GAS2: variants seen among roughly 807,000 people sequenced by gnomAD.
GAS2 encodes the protein growth arrest specific 2.
GAS2 carries 20 observed loss-of-function variants against 37.5 expected under a neutral mutation model. The observed-to-expected ratio is 0.53, with a 90% CI of 0.37 to 0.77. The LOEUF (loss-of-function observed/expected upper bound fraction) is 0.77, where lower values mean the gene tolerates loss of function less well. Ranked by LOEUF, GAS2 falls within the 30% of genes least tolerant of loss-of-function variation. The pLI, the probability that GAS2 is intolerant of heterozygous loss-of-function variation, is 0.00. For missense variants in GAS2, 336 were observed against 373.4 expected, an observed-to-expected ratio of 0.90 and a Z score of 0.82; for synonymous variants, 144 against 132.2, an observed-to-expected ratio of 1.09 and a Z score of -0.61.
intron 3 of GAS2, among the ~76,000 whole-genome samples, chr11:22,701,224 A>G (rs950538396): frequency 1.2e-4 from 18 of 152,222 alleles, no homozygotes; most frequent in African/African-American, 4.1e-4. Context: ...ATCATGGAGT[A>G]TAGCAAGTTC....
chr11:22,666,018 AT>A (rs1361767716), upstream of GAS2, among the ~76,000 whole-genome samples: 4 of 152,330 alleles, frequency 2.6e-5, no homozygotes, highest in African/African-American at 7.2e-5. Flanking sequence ...ACCTGTGGGG[AT>A]CAGCACACTC....
At chr11:22,762,742 T>C (rs145489460) in intron 7 of GAS2, among the ~76,000 whole-genome samples, 29 of 152,340 alleles carry the variant, frequency 1.9e-4, no homozygotes, top group Middle Eastern at 3.4e-3. Context: ...ATATTTTTGT[T>C]ACTGTATGAT....
chr11:22,696,961 G>C (rs1850554392), intron 3 of GAS2, among the ~76,000 whole-genome samples: 1 of 149,102 alleles, frequency 6.7e-6, no homozygotes, highest in Non-Finnish European at 1.5e-5. Context: ...GATCCCATTT[G>C]TCAATTTTGG....
At chr11:22,711,625 C>G (rs2134084044) in intron 3 of GAS2, among the ~76,000 whole-genome samples, 1 of 152,324 alleles carries the variant, frequency 6.6e-6, no homozygotes, top group East Asian at 1.9e-4. Flanking sequence ...TTCAGCCATG[C>G]TCACAAGCTG....
chr11:22,758,159 A>G (rs1345738238), intron 7 of GAS2, among the ~76,000 whole-genome samples: 2 of 152,166 alleles, frequency 1.3e-5, no homozygotes, highest in Non-Finnish European at 2.9e-5. Flanking sequence ...TTTTCAAATG[A>G]TCATATGGTT....
At chr11:22,764,578 A>G (rs1393683122) in intron 7 of GAS2, among the ~76,000 whole-genome samples, 1 of 24,494 alleles carries the variant, frequency 4.1e-5, no homozygotes, top group Non-Finnish European at 3.6e-3. Flanking sequence ...AAAAAAAAAA[A>G]AAGAACAAAA....
At chr11:22,799,952 C>T (rs891977342) in intron 7 of GAS2, among the ~76,000 whole-genome samples, 2 of 152,004 alleles carry the variant, frequency 1.3e-5, no homozygotes, top group Admixed American at 1.3e-4. Context: ...CTTTAATTCA[C>T]CTAGTGAATG....
intron 1 of GAS2, among the ~76,000 whole-genome samples, chr11:22,629,519 T>A (rs1858715803): frequency 6.6e-6 from 1 of 152,244 alleles, no homozygotes; most frequent in Non-Finnish European, 1.5e-5. Flanking sequence ...TAAGGTGGTA[T>A]CCCATTGTGG....
chr11:22,790,980 A>C (rs1003446804), intron 7 of GAS2, among the ~76,000 whole-genome samples: 1 of 152,228 alleles, frequency 6.6e-6, no homozygotes, highest in African/African-American at 2.4e-5. Flanking sequence ...TAAAAATAAC[A>C]CTGAGAGCAT....
chr11:22,683,983 G>C (rs1303444362), intron 2 of GAS2, among the ~76,000 whole-genome samples: 8 of 152,190 alleles, frequency 5.3e-5, no homozygotes, highest in Admixed American at 5.2e-4. Context: ...ACGGAAAACA[G>C]ATCAATGTGT....
chr11:22,760,990 A>C lies in GAS2; in HGVS notation c.723+5037A>C, dbSNP rs1854364200. Among the ~76,000 whole-genome samples, 7 of 152,162 alleles carry C rather than the reference A, an allele frequency of 4.6e-5. 1 individual carries two copies. In the South Asian group the frequency reaches 1.5e-3, roughly 32 times the overall value. ...GTTTTTTGGAGTCATGGTATTATTTAGACTACAGAGAATTTTTGCATATTG... is the reference window on the plus strand; with the variant it reads ...GTTTTTTGGAGTCATGGTATTATTTCGACTACAGAGAATTTTTGCATATTG... On this transcript the variant is annotated intron_variant, in intron 7 of 7. Transcript: ENST00000454584.
chr11:22,704,699 A>G (rs1851020608), intron 3 of GAS2, among the ~76,000 whole-genome samples: 1 of 149,192 alleles, frequency 6.7e-6, no homozygotes, highest in South Asian at 2.1e-4. Flanking sequence ...AGATTGTAGT[A>G]AGGAATATTC....
At chr11:22,695,931 G>T (rs926765475) in intron 3 of GAS2, among the ~76,000 whole-genome samples, 2 of 151,766 alleles carry the variant, frequency 1.3e-5, no homozygotes, top group Admixed American at 6.6e-5. Context: ...TTTCTAAAAC[G>T]TTGTTTTTTT....
rs1362906067 is a variant in GAS2, at chr11:22,800,934, C to T, written c.724-10864C>T. Among the ~76,000 whole-genome samples, 3 of 147,582 alleles carry T rather than the reference C, an allele frequency of 2.0e-5. No homozygotes were observed. In the East Asian group the frequency reaches 5.8e-4, roughly 29 times the overall value. On this transcript the variant is annotated intron_variant, in intron 7 of 7. Transcript: ENST00000454584. ...GCTTGGTTATCTTAAAAAACAAGTA[C>T]ATTACCAATAAATGCATATTTTTTT...
At chr11:22,724,739 C>T (rs1196025338) in intron 3 of GAS2, among the ~76,000 whole-genome samples, 1 of 151,976 alleles carries the variant, frequency 6.6e-6, no homozygotes, top group African/African-American at 2.4e-5. Flanking sequence ...TATCCTAAAT[C>T]AAATTCGAGT....
chr11:22,786,717 A>C (rs1288059421), intron 7 of GAS2, among the ~76,000 whole-genome samples: 1 of 152,166 alleles, frequency 6.6e-6, no homozygotes, highest in Non-Finnish European at 1.5e-5. Flanking sequence ...AATTGACCAC[A>C]AAAGTAGATG....
chr11:22,682,196 C>G (rs1411929518), intron 2 of GAS2, among the ~76,000 whole-genome samples: 1 of 151,844 alleles, frequency 6.6e-6, no homozygotes, highest in African/African-American at 2.4e-5. Context: ...ATTCTTTTTA[C>G]AAGTATTCAT....
In GAS2 at chr11:22,811,871, A is replaced by G. The variant is rs772121991; in HGVS notation, c.797A>G (p.His266Arg). ...ACTTTTGCAGGGTATTTGTTGAAAC[A>G]CGACCCCTGCCGAATGCTGCAGATC... Reference protein sequence around the residue: ...WETFAGYLLKHDPCRMLQISR... With the variant: ...WETFAGYLLKRDPCRMLQISR... The change falls in exon 8 of 8, where the codon CAC (histidine) becomes CGC (arginine). Residue 266 changes from histidine to arginine, a missense_variant. Physicochemically the swap from His to Arg is conservative, Grantham distance 29. Transcript: ENST00000454584. 3.1e-6 allele frequency: 5 copies of G among 1,614,158 alleles called. No individual in the cohort carries two copies. In the East Asian group the frequency reaches 1.1e-4, roughly 36 times the overall value.
intron 3 of GAS2, among the ~76,000 whole-genome samples, chr11:22,711,883 C>A (rs1473476391): frequency 1.3e-5 from 2 of 152,178 alleles, no homozygotes; most frequent in Non-Finnish European, 2.9e-5. Context: ...TCAAACCCAC[C>A]TAACCCTGCC....
Sources: gnomAD v4.1 joint callset for allele counts (sites outside exome capture counted in the v4.1 genomes callset) on GRCh38, gnomAD v4.1.1 for gene constraint, MANE v1.5 for transcripts, NCBI Gene and HGNC (gene_info 2026-07-23, HGNC 2026-07-21) for gene names.